Variants in CLSTN2 observed in about 807,000 individuals in gnomAD.
CLSTN2 encodes calsyntenin 2.
In CLSTN2, 48 loss-of-function variants were observed where a neutral mutation model predicts 101.2. The ratio of observed to expected loss-of-function variants is 0.47; its 90% CI spans 0.38 to 0.60. The LOEUF (loss-of-function observed/expected upper bound fraction) is 0.60, where lower values mean the gene tolerates loss of function less well. Ranked by LOEUF, CLSTN2 falls within the 20% of genes least tolerant of loss-of-function variation. The pLI, the probability that CLSTN2 is intolerant of heterozygous loss-of-function variation, is 0.00. For synonymous variants in CLSTN2, 481 were observed against 463.6 expected, an observed-to-expected ratio of 1.04 and a Z score of -0.48; for missense variants, 1,160 against 1,238.2, an observed-to-expected ratio of 0.94 and a Z score of 0.95.
At chr3:139,963,094 G>T (rs979845718) in intron 1 of CLSTN2, among the ~76,000 whole-genome samples, 1 of 152,062 alleles carries the variant, frequency 6.6e-6, no homozygotes, top group Admixed American at 6.6e-5. Context: ...AGATGAGAAT[G>T]AGGAGGAGGA....
chr3:140,084,035 C>G (rs141751242), intron 1 of CLSTN2, among the ~76,000 whole-genome samples: 4 of 152,174 alleles, frequency 2.6e-5, no homozygotes, highest in Middle Eastern at 3.4e-3. Context: ...AAGGATTTTA[C>G]CAAAGAAAAG....
In CLSTN2 at chr3:140,558,706, C is replaced by T; in HGVS notation, c.1890C>T (p.Ala630=). The change falls in exon 12 of 17, where the codon GCC becomes GCT. Residue 630 remains alanine, a synonymous_variant. Coordinates refer to ENST00000458420, the MANE Select transcript of CLSTN2 (RefSeq NM_022131.3). ...ATGCCTATGTGATGGTCCTCCAGGC[C>T]ATCGAGCCCCGGATCACCCTCCGGG... The part of the protein sequence containing the change: ...EVDAYVMVLQ[A]IEPRITLRGT... 1 of 1,614,052 alleles carries T rather than the reference C, an allele frequency of 6.2e-7. No individual in the cohort carries two copies.
At chr3:140,404,975 G>A (rs990305525) in intron 4 of CLSTN2, among the ~76,000 whole-genome samples, 4 of 152,088 alleles carry the variant, frequency 2.6e-5, no homozygotes, top group Non-Finnish European at 5.9e-5. Context: ...ACACCCTCAG[G>A]AAACCTCAGA....
Position 140,171,639 on chromosome 3 carries a change from T to TATATAATACATAATACGTATTATATATA in CLSTN2, c.110-4307_110-4306insATACATAATACGTATTATATATAATATA, listed in dbSNP as rs1559797104. ...ATATTATATAATATGTATTATATATTATATATAATACGTATTATATATTAT... is the reference window on the plus strand; with the variant it reads ...ATATTATATAATATGTATTATATATTATATAATACATAATACGTATTATATATAATATATAATACGTATTATATATTAT... On this transcript the variant is annotated intron_variant, in intron 1 of 16. Coordinates refer to ENST00000458420, the MANE Select transcript of CLSTN2 (RefSeq NM_022131.3). Among the ~76,000 whole-genome samples the TATATAATACATAATACGTATTATATATA allele has an allele frequency of 3.8e-5, 4 of 104,246 alleles. No homozygotes were observed. The East Asian group carries it at 9.9e-4, about 26-fold the overall frequency. 68.4% of individuals were successfully genotyped at this position (104,246 alleles called of 152,430 possible). A position where few individuals can be genotyped will look rare whatever the true frequency, so the allele number is the denominator to read the frequency against.
intron 5 of CLSTN2, among the ~76,000 whole-genome samples, chr3:140,438,541 AG>A (rs2088711630): frequency 6.6e-6 from 1 of 151,054 alleles, no homozygotes; most frequent in African/African-American, 2.4e-5. Context: ...CTTTTCAAAA[AG>A]ATTGAAAAAT....
chr3:140,198,561 G>T (rs2010677869), intron 2 of CLSTN2, among the ~76,000 whole-genome samples: 1 of 152,166 alleles, frequency 6.6e-6, no homozygotes, highest in South Asian at 2.1e-4. Context: ...TCAGCTGGGG[G>T]ATGTTCTCAG....
chr3:140,253,548 C>T (rs1456716208), intron 2 of CLSTN2, among the ~76,000 whole-genome samples: 1 of 152,170 alleles, frequency 6.6e-6, no homozygotes, highest in Non-Finnish European at 1.5e-5. Context: ...AGTATGAGCA[C>T]AGGCCCCTGA....
At chr3:140,252,755 G>A (rs1001356565) in intron 2 of CLSTN2, among the ~76,000 whole-genome samples, 1 of 152,216 alleles carries the variant, frequency 6.6e-6, no homozygotes, top group Non-Finnish European at 1.5e-5. Flanking sequence ...GTACAAGCAA[G>A]TTAGCTGTGT....
At chr3:140,497,972 C>T (rs1934503863) in intron 8 of CLSTN2, among the ~76,000 whole-genome samples, 1 of 152,184 alleles carries the variant, frequency 6.6e-6, no homozygotes, top group African/African-American at 2.4e-5. Context: ...TGGGCTGTCG[C>T]CCCACCCTGC....
At chr3:140,218,626 A>T (rs1259787137) in intron 2 of CLSTN2, among the ~76,000 whole-genome samples, 1 of 152,206 alleles carries the variant, frequency 6.6e-6, no homozygotes, top group Non-Finnish European at 1.5e-5. Flanking sequence ...ACTAGTTCAA[A>T]TTTTTAAAAA....
At chr3:140,208,125 T>C (rs995415613) in intron 2 of CLSTN2, among the ~76,000 whole-genome samples, 13 of 152,294 alleles carry the variant, frequency 8.5e-5, no homozygotes, top group East Asian at 3.9e-4. Flanking sequence ...AATCCATTCA[T>C]GTTTTATCAT....
intron 8 of CLSTN2, among the ~76,000 whole-genome samples, chr3:140,489,378 G>A (rs1934297763): frequency 6.6e-6 from 1 of 152,214 alleles, no homozygotes; most frequent in South Asian, 2.1e-4. Flanking sequence ...GGAAGAAACA[G>A]CATGTGTTGA....
intron 9 of CLSTN2, among the ~76,000 whole-genome samples, chr3:140,533,116 T>G (rs1349052054): frequency 6.6e-6 from 1 of 152,204 alleles, no homozygotes; most frequent in Non-Finnish European, 1.5e-5. Context: ...GCCTCTCTCC[T>G]AATCCCCAAA....
At chr3:140,490,687 A>G (rs575503808) in intron 8 of CLSTN2, among the ~76,000 whole-genome samples, 1 of 151,254 alleles carries the variant, frequency 6.6e-6, no homozygotes, top group Admixed American at 6.6e-5. Flanking sequence ...GTGACTTCTC[A>G]CTTAACAGTT....
intron 1 of CLSTN2, among the ~76,000 whole-genome samples, chr3:139,988,969 CAGG>C (rs1936074441): frequency 6.6e-6 from 1 of 152,154 alleles, no homozygotes; most frequent in African/African-American, 2.4e-5. Context: ...GTAATATGAA[CAGG>C]AGTTCAGCCA....
chr3:140,110,905 G>T (rs2009144919), intron 1 of CLSTN2, among the ~76,000 whole-genome samples: 1 of 152,110 alleles, frequency 6.6e-6, no homozygotes, highest in African/African-American at 2.4e-5. Flanking sequence ...AAGAAAATCA[G>T]GCCACTTTGA....
intron 4 of CLSTN2, among the ~76,000 whole-genome samples, chr3:140,405,738 C>T (rs947511515): frequency 6.6e-6 from 1 of 152,210 alleles, no homozygotes; most frequent in African/African-American, 2.4e-5. Context: ...CCAACAAACT[C>T]AGCCCACTTT....
chr3:140,407,762 G>T lies in CLSTN2; in HGVS notation c.637+2996G>T, dbSNP rs923305828. ...AGCTAGTTTTTCTGAGATAAGTAGAGCTTGGGTCCTCAAAATTGAATCCTA... is the reference window on the plus strand; with the variant it reads ...AGCTAGTTTTTCTGAGATAAGTAGATCTTGGGTCCTCAAAATTGAATCCTA... On this transcript the variant is annotated intron_variant, in intron 4 of 16. Transcript: ENST00000458420. 1.2e-4 allele frequency among the ~76,000 whole-genome samples: 18 copies of T among 152,312 alleles called. No homozygotes were observed. The South Asian group carries it at 3.7e-3, about 32-fold the overall frequency.
chr3:140,008,455 T>A (rs892914090), intron 1 of CLSTN2, among the ~76,000 whole-genome samples: 3 of 152,190 alleles, frequency 2.0e-5, no homozygotes, highest in African/African-American at 7.2e-5. Flanking sequence ...TGTAGCCTGG[T>A]AGGTGAGACA....
Sources: gnomAD v4.1 joint callset for allele counts (sites outside exome capture counted in the v4.1 genomes callset) on GRCh38, gnomAD v4.1.1 for gene constraint, MANE v1.5 for transcripts, NCBI Gene and HGNC (gene_info 2026-07-23, HGNC 2026-07-21) for gene names.